ANKRD42: variants seen among roughly 807,000 people sequenced by gnomAD.
The protein encoded by ANKRD42 is ankyrin repeat domain-containing protein 42.
Under a neutral mutation model 51.5 loss-of-function variants are expected in ANKRD42, and 43 were observed. The ratio of observed to expected loss-of-function variants is 0.83; its 90% CI spans 0.65 to 1.08. ANKRD42 has a LOEUF of 1.08. ANKRD42 is among the 50% of genes least tolerant of loss of function. The pLI is 0.00. For synonymous variants in ANKRD42, 203 were observed against 213.0 expected, an observed-to-expected ratio of 0.95 and a Z score of 0.41; for missense variants, 608 against 629.3, an observed-to-expected ratio of 0.97 and a Z score of 0.36.
At chr11:83,205,348 A>G (rs180983769) in intron 2 of ANKRD42, among the ~76,000 whole-genome samples, 2 of 152,334 alleles carry the variant, frequency 1.3e-5, no homozygotes, top group Admixed American at 1.3e-4. Flanking sequence ...CTGCAGGAAA[A>G]TGATATTTAC....
At chr11:83,199,034 G>A (rs1414454895) in intron 2 of ANKRD42, among the ~76,000 whole-genome samples, 1 of 152,098 alleles carries the variant, frequency 6.6e-6, no homozygotes, top group Non-Finnish European at 1.5e-5. Flanking sequence ...ATCCCTGTGG[G>A]CCTATTTGTG....
chr11:83,231,778 C>G (rs1047635665), intron 7 of ANKRD42, among the ~76,000 whole-genome samples: 1 of 152,070 alleles, frequency 6.6e-6, no homozygotes, highest in African/African-American at 2.4e-5. Context: ...TATGGATATC[C>G]AGTTTTTTCC....
At chr11:83,237,833 A>G (rs929561944) in intron 8 of ANKRD42, among the ~76,000 whole-genome samples, 8 of 152,188 alleles carry the variant, frequency 5.3e-5, no homozygotes, top group African/African-American at 1.7e-4. Flanking sequence ...AAGATAGTGA[A>G]CATATTCATC....
downstream of ANKRD42, among the ~76,000 whole-genome samples, chr11:83,253,468 T>C (rs568382377): frequency 6.6e-6 from 1 of 152,354 alleles, no homozygotes; most frequent in South Asian, 2.1e-4. Context: ...ATAAACTCTT[T>C]CAACAGTTTT....
Position 83,216,564 on chromosome 11 carries a change from T to A in ANKRD42, c.586+5134T>A, listed in dbSNP as rs1331974324. Among the ~76,000 whole-genome samples the A allele has an allele frequency of 3.3e-5, 5 of 152,104 alleles. No individual in the cohort carries two copies. In the South Asian group the frequency reaches 1.0e-3, roughly 32 times the overall value. On this transcript the variant is annotated intron_variant, in intron 5 of 10. Transcript: ENST00000533342. ...TGGTCTCGATCTCCTGACCTCGTGGTCCGCCCGCCTCGGCCTCCCAAAGTG... is the reference window on the plus strand; with the variant it reads ...TGGTCTCGATCTCCTGACCTCGTGGACCGCCCGCCTCGGCCTCCCAAAGTG...
rs1260621751 is a variant in ANKRD42, at chr11:83,202,174, G to T, written c.222+3532G>T. The stretch of plus-strand genomic sequence containing the variant: ...CATCTTGAATTAATTTTTATATAAG[G>T]CTTAAGAAAGGGATCCAGTTTCAGT... On this transcript the variant is annotated intron_variant, in intron 2 of 10. Coordinates refer to ENST00000533342, the MANE Select transcript of ANKRD42 (RefSeq NM_001300975.2). Among the ~76,000 whole-genome samples, 27 of 152,094 alleles carry T rather than the reference G, an allele frequency of 1.8e-4. 1 individual carries two copies.
At chr11:83,228,317 T>C (rs1009742484) in intron 7 of ANKRD42, among the ~76,000 whole-genome samples, 1 of 130,168 alleles carries the variant, frequency 7.7e-6, no homozygotes, top group Non-Finnish European at 1.6e-5. Context: ...GGTGGAGACC[T>C]CCTGGGCTCA....
chr11:83,223,526 G>A (rs1451215030), intron 5 of ANKRD42, among the ~76,000 whole-genome samples: 1 of 152,128 alleles, frequency 6.6e-6, no homozygotes, highest in East Asian at 1.9e-4. Flanking sequence ...TTATGGGCCT[G>A]AACAATGTGG....
At chr11:83,214,395 T>G in intron 5 of ANKRD42, 1 of 979,154 alleles carries the variant, frequency 1.0e-6, no homozygotes, top group South Asian at 4.7e-5. Flanking sequence ...TTTATTTTTG[T>G]ATTGTCCTTT....
chr11:83,211,525 G>T, intron 5 of ANKRD42, 95 bp downstream of exon 5: 1 of 1,382,146 alleles, frequency 7.2e-7, no homozygotes, highest in Non-Finnish European at 9.9e-7. Flanking sequence ...GGTTGAGCGT[G>T]GTGGCTTACA....
intron 8 of ANKRD42, among the ~76,000 whole-genome samples, chr11:83,240,554 T>A (rs904835878): frequency 6.6e-6 from 1 of 152,236 alleles, no homozygotes; most frequent in African/African-American, 2.4e-5. Context: ...TTAATATGAA[T>A]AATTGTCCGT....
intron 1 of ANKRD42, among the ~76,000 whole-genome samples, chr11:83,194,933 C>T (rs1861579709): frequency 6.6e-6 from 1 of 152,196 alleles, no homozygotes; most frequent in Non-Finnish European, 1.5e-5. Context: ...TTTCCATCCA[C>T]ACTATTCCTC....
intron 8 of ANKRD42, among the ~76,000 whole-genome samples, chr11:83,237,366 T>C (rs186683941): frequency 6.9e-6 from 1 of 145,984 alleles, no homozygotes; most frequent in African/African-American, 2.5e-5. Context: ...AGAATTTAGA[T>C]AGAGGTGAAA....
At chr11:83,209,229 CTTATAAA>C (rs1294208315) in intron 3 of ANKRD42, among the ~76,000 whole-genome samples, 2 of 152,128 alleles carry the variant, frequency 1.3e-5, no homozygotes, top group Admixed American at 1.3e-4. Flanking sequence ...AAAGATGTGT[CTTATAAA>C]TTATATATAC....
intron 5 of ANKRD42, among the ~76,000 whole-genome samples, chr11:83,220,120 C>T (rs1309561218): frequency 6.6e-6 from 1 of 152,152 alleles, no homozygotes; most frequent in Non-Finnish European, 1.5e-5. Context: ...ATTGTCTCAA[C>T]CAGGATATCT....
chr11:83,241,080 G>GT (rs1471624743), intron 9 of ANKRD42, 146 bp downstream of exon 9: 1 of 914,290 alleles, frequency 1.1e-6, no homozygotes, highest in Non-Finnish European at 1.6e-6. Flanking sequence ...ACTAATATAA[G>GT]TTTTTGTACT....
At chr11:83,246,208 G>A (rs1863538054) in intron 10 of ANKRD42, among the ~76,000 whole-genome samples, 1 of 152,164 alleles carries the variant, frequency 6.6e-6, no homozygotes, top group Admixed American at 6.5e-5. Flanking sequence ...GGATGGTTGT[G>A]TCTGTGTTGA....
At chr11:83,222,045 G>A (rs1215524852) in intron 5 of ANKRD42, among the ~76,000 whole-genome samples, 2 of 152,166 alleles carry the variant, frequency 1.3e-5, no homozygotes, top group East Asian at 3.9e-4. Context: ...CATGAACTTT[G>A]TGCTGGGCAG....
At chr11:83,263,488 A>G (rs1252929466), downstream of ANKRD42, among the ~76,000 whole-genome samples, 1 of 152,156 alleles carries the variant, frequency 6.6e-6, no homozygotes, top group Admixed American at 6.5e-5. Flanking sequence ...TGCTTAGGTG[A>G]GCATATGCCT....
Sources: allele counts gnomAD v4.1 joint callset (sites outside exome capture counted in the v4.1 genomes callset), GRCh38; gene constraint gnomAD v4.1.1; transcripts MANE v1.5; gene names NCBI Gene and HGNC (gene_info 2026-07-23, HGNC 2026-07-21).